Variants in CHD9NB observed in about 807,000 individuals in gnomAD.
The protein encoded by CHD9NB is CHD9 neighbor protein.
the CHD9NB span, among the ~76,000 whole-genome samples, chr16:53,051,768 A>AATATAT: frequency 0.014 from 1,446 of 103,734 alleles, 58 homozygotes; most frequent in African/African-American, 0.019. Flanking sequence ...TAAAAGTATA[A>AATATAT]ATATATATAT....
the CHD9NB span, among the ~76,000 whole-genome samples, chr16:53,038,703 G>A: frequency 2.0e-5 from 3 of 152,100 alleles, no homozygotes; most frequent in Non-Finnish European, 4.4e-5. Context: ...GTACAACAAC[G>A]GGGTTTTATT....
the CHD9NB span, among the ~76,000 whole-genome samples, chr16:53,039,605 C>T: frequency 2.0e-5 from 3 of 151,940 alleles, no homozygotes; most frequent in Admixed American, 6.6e-5. Flanking sequence ...ATTAGCTGGG[C>T]GTGGTGGTGG....
At chr16:53,048,122 G>A in the CHD9NB span, among the ~76,000 whole-genome samples, 1 of 152,200 alleles carries the variant, frequency 6.6e-6, no homozygotes, top group African/African-American at 2.4e-5. Context: ...AGAAAATTTG[G>A]TCTGGGTGCA....
the CHD9NB span, among the ~76,000 whole-genome samples, chr16:53,041,577 G>T: frequency 1.3e-5 from 2 of 152,092 alleles, no homozygotes; most frequent in East Asian, 3.9e-4. Context: ...TCCTTCCTTT[G>T]ATTTGGTAAA....
At chr16:53,036,139 A>G in the CHD9NB span, among the ~76,000 whole-genome samples, 1 of 152,064 alleles carries the variant, frequency 6.6e-6, no homozygotes, top group African/African-American at 2.4e-5. Flanking sequence ...TGTGGTTAAA[A>G]CCCTGGTCTT....
the CHD9NB span, among the ~76,000 whole-genome samples, chr16:53,049,768 T>G: frequency 6.6e-6 from 1 of 152,138 alleles, no homozygotes; most frequent in Admixed American, 6.6e-5. Context: ...AGGCAGGTAG[T>G]GGTCATGGTT....
At chr16:53,046,809 G>A in the CHD9NB span, among the ~76,000 whole-genome samples, 26 of 152,260 alleles carry the variant, frequency 1.7e-4, no homozygotes, top group African/African-American at 5.8e-4. Flanking sequence ...CTCCTTGTTC[G>A]AAATGATTGA....
At chr16:53,042,448 T>C in the CHD9NB span, among the ~76,000 whole-genome samples, 82 of 146,916 alleles carry the variant, frequency 5.6e-4, no homozygotes, top group Non-Finnish European at 7.5e-4. Context: ...CTTCTTGCCC[T>C]CTCTCCTCCC....
the CHD9NB span, among the ~76,000 whole-genome samples, chr16:53,039,522 A>G: frequency 6.6e-6 from 1 of 152,230 alleles, no homozygotes; most frequent in Non-Finnish European, 1.5e-5. Flanking sequence ...GAGGTGGCAG[A>G]TCACCTGAAG....
At chr16:53,038,585 A>G in the CHD9NB span, among the ~76,000 whole-genome samples, 5 of 152,170 alleles carry the variant, frequency 3.3e-5, no homozygotes, top group Non-Finnish European at 7.4e-5. Flanking sequence ...TCCAGACCTC[A>G]AGTGATCCGC....
the CHD9NB span, chr16:53,042,629 A>G: frequency 2.0e-5 from 3 of 149,560 alleles, no homozygotes; most frequent in African/African-American, 7.5e-5. Flanking sequence ...AAAGTCCCTC[A>G]ATGCATCACC....
the CHD9NB span, among the ~76,000 whole-genome samples, chr16:53,039,768 T>A: frequency 2.0e-5 from 3 of 150,844 alleles, no homozygotes; most frequent in Non-Finnish European, 2.9e-5. Flanking sequence ...CAAAGAAGAC[T>A]CTCAGTGGAC....
At chr16:53,040,524 G>A in the CHD9NB span, among the ~76,000 whole-genome samples, 1 of 152,110 alleles carries the variant, frequency 6.6e-6, no homozygotes, top group Non-Finnish European at 1.5e-5. Context: ...CATCCTCTTT[G>A]TCTAATTCCA....
the CHD9NB span, among the ~76,000 whole-genome samples, chr16:53,038,527 T>G: frequency 6.6e-6 from 1 of 152,144 alleles, no homozygotes; most frequent in East Asian, 1.9e-4. Flanking sequence ...ATTTTTGTAT[T>G]TTTAGTAGAG....
the CHD9NB span, among the ~76,000 whole-genome samples, chr16:53,042,315 CT>C: frequency 6.7e-6 from 1 of 148,200 alleles, no homozygotes; most frequent in Non-Finnish European, 1.5e-5. Context: ...TCCGTCTCCC[CT>C]CTCCTTCTCT....
the CHD9NB span, among the ~76,000 whole-genome samples, chr16:53,047,720 G>A: frequency 0.042 from 6,374 of 152,194 alleles, 135 homozygotes; most frequent in East Asian, 0.056. Flanking sequence ...AGGTAGGGCC[G>A]GGTGTGGTGG....
the CHD9NB span, among the ~76,000 whole-genome samples, chr16:53,051,768 A>ATATATATATATAT: frequency 1.9e-5 from 2 of 104,614 alleles, no homozygotes; most frequent in African/African-American, 1.0e-4. Context: ...TAAAAGTATA[A>ATATATATATATAT]ATATATATAT....
the CHD9NB span, among the ~76,000 whole-genome samples, chr16:53,040,366 G>A: frequency 6.6e-6 from 1 of 152,064 alleles, no homozygotes; most frequent in African/African-American, 2.4e-5. Context: ...AAGCCACTGT[G>A]CCCAGCCCCT....
the CHD9NB span, among the ~76,000 whole-genome samples, chr16:53,041,230 GT>G: frequency 6.6e-6 from 1 of 152,276 alleles, no homozygotes; most frequent in Non-Finnish European, 1.5e-5. Context: ...TTGCAGGCCT[GT>G]TTTTCCAGAG....
Sources: gnomAD v4.1 joint callset for allele counts (sites outside exome capture counted in the v4.1 genomes callset) on GRCh38, gnomAD v4.1.1 for gene constraint, MANE v1.5 for transcripts, NCBI Gene and HGNC (gene_info 2026-07-23, HGNC 2026-07-21) for gene names.